Variants in SGCD observed in about 807,000 individuals in gnomAD.
SGCD encodes the protein sarcoglycan delta, also known as delta-sarcoglycan.
A neutral mutation model predicts 36.6 loss-of-function variants in SGCD; 18 were observed. That is an observed-to-expected ratio of 0.49 (90% CI 0.34 to 0.73). The LOEUF (loss-of-function observed/expected upper bound fraction) is 0.73. Among genes scored for constraint, SGCD ranks in the 30% least tolerant of loss-of-function variants. The pLI, the probability that SGCD is intolerant of heterozygous loss-of-function variation, is 0.01. For synonymous variants in SGCD, 133 were observed against 130.6 expected, an observed-to-expected ratio of 1.02 and a Z score of -0.12; for missense variants, 387 against 346.7, an observed-to-expected ratio of 1.12 and a Z score of -0.92.
intron 3 of SGCD, among the ~76,000 whole-genome samples, chr5:156,139,704 C>T (rs915856695): frequency 2.0e-5 from 3 of 152,132 alleles, no homozygotes; most frequent in Admixed American, 6.5e-5. Context: ...TTCACTCCCC[C>T]GTTTTAAAAT....
At chr5:156,543,924 C>A (rs997920865) in intron 4 of SGCD, among the ~76,000 whole-genome samples, 1 of 152,178 alleles carries the variant, frequency 6.6e-6, no homozygotes, top group African/African-American at 2.4e-5. Flanking sequence ...GCTTCCACTG[C>A]AGTTTTGTGA....
chr5:156,630,675 A>G (rs1370870028), intron 6 of SGCD, among the ~76,000 whole-genome samples: 1 of 152,216 alleles, frequency 6.6e-6, no homozygotes, highest in Non-Finnish European at 1.5e-5. Flanking sequence ...AATTTAAAGT[A>G]CATATGAAAA....
At chr5:156,472,238 G>T (rs1165962735) in intron 3 of SGCD, among the ~76,000 whole-genome samples, 1 of 152,100 alleles carries the variant, frequency 6.6e-6, no homozygotes, top group Non-Finnish European at 1.5e-5. Flanking sequence ...TTATGACCCA[G>T]CAGCTAAAAG....
chr5:156,243,226 G>A (rs1233332180), intron 3 of SGCD, among the ~76,000 whole-genome samples: 1 of 152,240 alleles, frequency 6.6e-6, no homozygotes, highest in African/African-American at 2.4e-5. Context: ...GCACAGGTCA[G>A]GTGAAGGAGG....
intron 6 of SGCD, among the ~76,000 whole-genome samples, chr5:156,608,722 G>A (rs1023954239): frequency 5.9e-5 from 9 of 152,110 alleles, no homozygotes; most frequent in Admixed American, 1.3e-4. Context: ...ATGAATCTGG[G>A]TGCTCCTGTA....
At chr5:155,861,469 G>C in the SGCD span, among the ~76,000 whole-genome samples, 11 of 151,862 alleles carry the variant, frequency 7.2e-5, no homozygotes, top group African/African-American at 2.7e-4. Context: ...TTGGGAGGCC[G>C]AGGCGGGCGG....
chr5:156,318,831 G>C (rs1208254170), intron 3 of SGCD, among the ~76,000 whole-genome samples: 2 of 152,052 alleles, frequency 1.3e-5, no homozygotes, highest in Non-Finnish European at 2.9e-5. Context: ...CCTGACCTCA[G>C]GTGATCCGCC....
chr5:156,151,151 G>A (rs1298944486), intron 3 of SGCD, among the ~76,000 whole-genome samples: 2 of 151,668 alleles, frequency 1.3e-5, no homozygotes, highest in Non-Finnish European at 2.9e-5. Context: ...AGAGAGAGAA[G>A]CTGAGAAACA....
intron 3 of SGCD, among the ~76,000 whole-genome samples, chr5:156,461,383 A>G (rs1387766376): frequency 3.3e-5 from 5 of 152,280 alleles, no homozygotes; most frequent in African/African-American, 1.2e-4. Flanking sequence ...GGATAACATT[A>G]CCAGAAATTC....
intron 2 of SGCD, among the ~76,000 whole-genome samples, chr5:156,330,671 A>G (rs1232536546): frequency 6.6e-6 from 1 of 152,190 alleles, no homozygotes; most frequent in African/African-American, 2.4e-5. Flanking sequence ...AGCTCAACTT[A>G]GTCATCTGAA....
chr5:156,295,063 T>C (rs113288308), intron 3 of SGCD, among the ~76,000 whole-genome samples: 2 of 152,286 alleles, frequency 1.3e-5, no homozygotes, highest in African/African-American at 4.8e-5. Context: ...ATTAATTCTT[T>C]AAATGTTTGA....
intron 7 of SGCD, among the ~76,000 whole-genome samples, chr5:156,724,651 G>A (rs1755682850): frequency 1.3e-5 from 2 of 152,048 alleles, no homozygotes; most frequent in African/African-American, 2.4e-5. Flanking sequence ...TTATTCTAGT[G>A]GTTCAGCTTT....
At chr5:155,870,171 G>C (rs1184764960), upstream of SGCD, among the ~76,000 whole-genome samples, 2 of 152,180 alleles carry the variant, frequency 1.3e-5, no homozygotes, top group African/African-American at 4.8e-5. Context: ...AGAGGGCCTG[G>C]ATTTGAACCC....
chr5:155,810,856 C>T, the SGCD span, among the ~76,000 whole-genome samples: 49 of 98,596 alleles, frequency 5.0e-4, no homozygotes, highest in African/African-American at 1.8e-3. Flanking sequence ...CTTGCTCTGT[C>T]GCCCAGGCTG....
In SGCD at chr5:156,720,838, A is replaced by T. The variant is rs145769613; in HGVS notation, c.576-36743A>T. On this transcript the variant is annotated intron_variant, in intron 7 of 8. Transcript: ENST00000337851. ...ATTACATTCTGGCTTCTGTGAGGAG[A>T]AATGACTGTGGGGGCAGGGAGGAAA... Among the ~76,000 whole-genome samples the T allele has an allele frequency of 3.1e-3, 477 of 151,946 alleles. 1 individual carries two copies. The highest frequency in any genetic ancestry group is 5.3e-3 in the Admixed American group (81 of 15,262).
chr5:156,465,897 C>G (rs1561713714), intron 3 of SGCD, among the ~76,000 whole-genome samples: 1 of 152,184 alleles, frequency 6.6e-6, no homozygotes, highest in Admixed American at 6.5e-5. Flanking sequence ...CTAGCAGTCT[C>G]TTGTACTCAT....
intron 7 of SGCD, among the ~76,000 whole-genome samples, chr5:156,717,243 A>G (rs926246037): frequency 6.6e-6 from 1 of 152,194 alleles, no homozygotes; most frequent in African/African-American, 2.4e-5. Flanking sequence ...CAATACATCC[A>G]TTCCTGCAGC....
In SGCD at chr5:156,014,468, CA is replaced by C. The variant is rs1383992413; in HGVS notation, c.-281-103409del. Among the ~76,000 whole-genome samples the C allele has an allele frequency of 2.6e-5, 4 of 151,938 alleles. No homozygotes were observed. In the East Asian group the frequency reaches 7.7e-4, roughly 29 times the overall value. On this transcript the variant is annotated intron_variant, in intron 1 of 9. Transcript: ENST00000517913. ...TTTATTTTTTATGGGAGAAAATTAC[CA>C]GATTAATTTTTAATATTTTTTCATT...
the SGCD span, among the ~76,000 whole-genome samples, chr5:155,771,059 A>AG: frequency 0.044 from 6,697 of 152,136 alleles, 195 homozygotes; most frequent in Middle Eastern, 0.13. Flanking sequence ...CATCTGAACC[A>AG]AAAGTATATG....
Sources: gnomAD v4.1 joint callset for allele counts (sites outside exome capture counted in the v4.1 genomes callset) on GRCh38, gnomAD v4.1.1 for gene constraint, MANE v1.5 for transcripts, NCBI Gene and HGNC (gene_info 2026-07-23, HGNC 2026-07-21) for gene names.